AKAP19: variants seen among roughly 807,000 people sequenced by gnomAD.
AKAP19 encodes the protein A-kinase anchoring protein 19.
the AKAP19 span, among the ~76,000 whole-genome samples, chr2:190,016,512 A>G: frequency 2.8e-4 from 42 of 152,344 alleles, no homozygotes; most frequent in African/African-American, 9.6e-4. Context: ...TTACAATTCA[A>G]GAGGAGATTT....
chr2:190,004,583 A>AT, the AKAP19 span, among the ~76,000 whole-genome samples: 30,472 of 145,290 alleles, frequency 0.21, 3,290 homozygotes, highest in African/African-American at 0.3. Context: ...AAACCTTTTT[A>AT]TTTTTTTTTT....
At chr2:190,152,521 T>C in the AKAP19 span, among the ~76,000 whole-genome samples, 29 of 152,358 alleles carry the variant, frequency 1.9e-4, no homozygotes, top group African/African-American at 6.7e-4. Flanking sequence ...TCCTACATTC[T>C]TAATTATTGA....
At chr2:190,110,499 G>C in the AKAP19 span, among the ~76,000 whole-genome samples, 1 of 152,100 alleles carries the variant, frequency 6.6e-6, no homozygotes. Context: ...TTTCCTAATA[G>C]CTAATCCTGG....
the AKAP19 span, among the ~76,000 whole-genome samples, chr2:189,943,125 G>C: frequency 7.9e-5 from 12 of 152,304 alleles, no homozygotes; most frequent in Admixed American, 2.0e-4. Flanking sequence ...TGAAGAAAAG[G>C]CCTCAAAGAC....
At chr2:190,005,562 T>A in the AKAP19 span, among the ~76,000 whole-genome samples, 7 of 152,238 alleles carry the variant, frequency 4.6e-5, no homozygotes, top group Non-Finnish European at 8.8e-5. Flanking sequence ...GACTTCTGTT[T>A]ACCCCAGATG....
the AKAP19 span, among the ~76,000 whole-genome samples, chr2:190,169,328 G>A: frequency 6.6e-6 from 1 of 151,900 alleles, no homozygotes; most frequent in Non-Finnish European, 1.5e-5. Context: ...GATTTGGGTG[G>A]GGTCACAGCC....
chr2:190,178,498 C>A, the AKAP19 span, among the ~76,000 whole-genome samples: 1 of 152,224 alleles, frequency 6.6e-6, no homozygotes, highest in Non-Finnish European at 1.5e-5. The surrounding 1 kb of genome is among the most constrained non-coding windows in gnomAD (Gnocchi z 6.3). Flanking sequence ...CTCTCCAGTG[C>A]ACACCCATGA....
At chr2:189,891,119 A>G in the AKAP19 span, among the ~76,000 whole-genome samples, 3 of 150,736 alleles carry the variant, frequency 2.0e-5, no homozygotes, top group African/African-American at 7.3e-5. Context: ...TGGTGACAAA[A>G]TCTCTCAGCA....
chr2:190,060,178 C>G, the AKAP19 span: 1 of 1,612,926 alleles, frequency 6.2e-7, no homozygotes, highest in Non-Finnish European at 8.5e-7. Context: ...TTTTGCAACA[C>G]TGTCTTCACA....
the AKAP19 span, among the ~76,000 whole-genome samples, chr2:190,119,555 A>G: frequency 1.3e-5 from 2 of 152,238 alleles, no homozygotes; most frequent in Non-Finnish European, 2.9e-5. Context: ...CAACCGTGAG[A>G]ATCGCTATGT....
the AKAP19 span, among the ~76,000 whole-genome samples, chr2:189,991,787 A>G: frequency 1.4e-4 from 21 of 152,148 alleles, no homozygotes; most frequent in Admixed American, 6.5e-5. Flanking sequence ...AATGTCTAGA[A>G]AAGATTTTTT....
At chr2:190,169,333 A>G in the AKAP19 span, among the ~76,000 whole-genome samples, 3 of 152,172 alleles carry the variant, frequency 2.0e-5, no homozygotes, top group South Asian at 6.2e-4. Context: ...GGGTGGGGTC[A>G]CAGCCAAACC....
the AKAP19 span, among the ~76,000 whole-genome samples, chr2:190,110,065 G>A: frequency 3.9e-5 from 6 of 152,190 alleles, no homozygotes; most frequent in African/African-American, 1.2e-4. Flanking sequence ...AGATGACACT[G>A]ATCCTGATGG....
At chr2:190,032,987 T>A in the AKAP19 span, among the ~76,000 whole-genome samples, 1 of 152,140 alleles carries the variant, frequency 6.6e-6, no homozygotes, top group Admixed American at 6.5e-5. Flanking sequence ...AGAAATAAAA[T>A]AAATCCACTC....
chr2:190,093,358 G>A, the AKAP19 span, among the ~76,000 whole-genome samples: 1 of 152,044 alleles, frequency 6.6e-6, no homozygotes, highest in Admixed American at 6.6e-5. Context: ...TCTTGAACCT[G>A]GGAGGTAGAG....
At chr2:189,942,947 A>T in the AKAP19 span, among the ~76,000 whole-genome samples, 18 of 152,228 alleles carry the variant, frequency 1.2e-4, no homozygotes, top group African/African-American at 4.3e-4. Context: ...GTTGGAACTT[A>T]TATTTAAAAG....
At chr2:189,972,031 G>T in the AKAP19 span, among the ~76,000 whole-genome samples, 2 of 152,062 alleles carry the variant, frequency 1.3e-5, no homozygotes, top group African/African-American at 4.8e-5. Context: ...CATTGCTTTT[G>T]GTGTTTTGAC....
chr2:189,958,079 C>G, the AKAP19 span, among the ~76,000 whole-genome samples: 1 of 152,212 alleles, frequency 6.6e-6, no homozygotes, highest in African/African-American at 2.4e-5. Flanking sequence ...CAGGTGTGAG[C>G]CATTGCGCCA....
At chr2:189,930,301 TG>T in the AKAP19 span, 1 of 630,768 alleles carries the variant, frequency 1.6e-6, no homozygotes. Flanking sequence ...CTGCATCAAC[TG>T]GCTCCATGGA....
Sources: gnomAD v4.1 joint callset for allele counts (sites outside exome capture counted in the v4.1 genomes callset) on GRCh38, gnomAD v4.1.1 for gene constraint, Gnocchi (gnomAD v3.1) non-coding constraint, MANE v1.5 for transcripts, NCBI Gene and HGNC (gene_info 2026-07-23, HGNC 2026-07-21) for gene names.